The following TBC1D19 variants were observed in gnomAD, a reference collection of about 807,000 sequenced individuals.
TBC1D19 encodes the protein TBC1 domain family, member 19.
TBC1D19 carries 60 observed loss-of-function variants against 89.0 expected under a neutral mutation model. The observed-to-expected ratio is 0.67, with a 90% CI of 0.55 to 0.84. TBC1D19 has a LOEUF of 0.84. Among genes scored for constraint, TBC1D19 ranks in the 40% least tolerant of loss-of-function variants. The pLI, the probability that TBC1D19 is intolerant of heterozygous loss-of-function variation, is 0.00. For synonymous variants in TBC1D19, 189 were observed against 199.7 expected (o/e 0.95, Z 0.45); for missense variants, 500 against 610.8 (o/e 0.82, Z 1.91).
intron 1 of TBC1D19, among the ~76,000 whole-genome samples, chr4:26,593,700 A>C (rs1414967267): frequency 1.3e-5 from 2 of 152,264 alleles, no homozygotes; most frequent in Non-Finnish European, 2.9e-5. Context: ...GACACTTCCC[A>C]AAAGAAGACA....
the TBC1D19 span, among the ~76,000 whole-genome samples, chr4:26,832,925 T>C: frequency 6.8e-3 from 1,028 of 151,878 alleles, 8 homozygotes; most frequent in Non-Finnish European, 0.012. Flanking sequence ...GTCCAGGAGG[T>C]GGAGGTTGTA....
intron 5 of TBC1D19, among the ~76,000 whole-genome samples, chr4:26,637,912 T>A (rs1048258596): frequency 2.6e-5 from 4 of 152,202 alleles, no homozygotes; most frequent in Non-Finnish European, 4.4e-5. Flanking sequence ...TCCTTACCTT[T>A]TGGCTAATTA....
chr4:26,673,883 C>A lies in TBC1D19; in HGVS notation c.811C>A (p.Pro271Thr), dbSNP rs777031702. Residue 271 changes from proline (P) to threonine (T), a missense_variant, in exon 11 of 21, where the codon CCT (proline) becomes ACT (threonine). Physicochemically the swap from Pro to Thr is conservative, Grantham distance 38. This residue lies in a region of TBC1D19 where 220 missense variants were observed against 319.1 expected (regional missense o/e 0.69). Coordinates refer to ENST00000264866, the MANE Select transcript of TBC1D19 (RefSeq NM_018317.4). ...WALILNISSQ[P>T]EDVLYYEQLK... is the part of the protein sequence containing the mutation. ...TCTCATTTTGAATATTTCCAGCCAA[C>A]CTGAGGTAAGAAGAAAAAAAGGGTG... 3 of 1,583,074 alleles carry A rather than the reference C, an allele frequency of 1.9e-6. No individual in the cohort carries two copies. The highest frequency in any genetic ancestry group is 2.7e-5 in the African/African-American group (2 of 73,736).
chr4:26,740,791 T>G, intron 17 of TBC1D19: 1 of 985,420 alleles, frequency 1.0e-6, no homozygotes, highest in South Asian at 4.7e-5. Flanking sequence ...AAGAGGCAAC[T>G]GTATTATTGC....
chr4:26,712,602 G>A (rs553059221), intron 13 of TBC1D19, among the ~76,000 whole-genome samples: 5 of 152,132 alleles, frequency 3.3e-5, no homozygotes, highest in African/African-American at 1.2e-4. Context: ...CACATTTTGT[G>A]TGACTATACC....
At chr4:26,705,894 TTTTG>T (rs1029477529) in intron 13 of TBC1D19, among the ~76,000 whole-genome samples, 1 of 152,046 alleles carries the variant, frequency 6.6e-6, no homozygotes. Context: ...TTTTGTTTTG[TTTTG>T]TTTGTTTGTT....
chr4:26,673,545 C>A (rs1030533442), intron 10 of TBC1D19, among the ~76,000 whole-genome samples: 4 of 150,942 alleles, frequency 2.7e-5, no homozygotes, highest in Non-Finnish European at 5.9e-5. Flanking sequence ...TTAAGTCCCT[C>A]CTTATCCACA....
chr4:26,663,262 G>A lies in TBC1D19; in HGVS notation c.592-3071G>A, dbSNP rs535957468. On this transcript the variant is annotated intron_variant, in intron 8 of 20. Transcript: ENST00000264866. ...AGTATAAGAATGAAAACATTGATAAGTACCACATGCCTCACCAGTGAAACA... is the reference window on the plus strand; with the variant it reads ...AGTATAAGAATGAAAACATTGATAAATACCACATGCCTCACCAGTGAAACA... Among the ~76,000 whole-genome samples, 15 of 152,264 alleles carry A rather than the reference G, an allele frequency of 9.9e-5. No individual in the cohort carries two copies. In the East Asian group the frequency reaches 1.9e-3, roughly 20 times the overall value.
At chr4:26,786,397 GGCCGAGGCAGGTGGATCAC>G in the TBC1D19 span, among the ~76,000 whole-genome samples, 1 of 152,160 alleles carries the variant, frequency 6.6e-6, no homozygotes, top group Non-Finnish European at 1.5e-5. Context: ...CCCTTTGGAA[GGCCGAGGCAGGTGGATCAC>G]GAGGTCAGGA....
At chr4:26,641,493 A>C (rs1043206716) in intron 7 of TBC1D19, among the ~76,000 whole-genome samples, 4 of 152,244 alleles carry the variant, frequency 2.6e-5, no homozygotes, top group Non-Finnish European at 5.9e-5. Context: ...AAAAGCTGAA[A>C]ATTCTAAAAA....
chr4:26,654,166 G>C (rs1386573999), intron 7 of TBC1D19, among the ~76,000 whole-genome samples: 1 of 152,172 alleles, frequency 6.6e-6, no homozygotes, highest in Non-Finnish European at 1.5e-5. Context: ...ATTCTGGGTT[G>C]AAAATTCTTT....
At chr4:26,694,033 C>A (rs989645912) in intron 13 of TBC1D19, among the ~76,000 whole-genome samples, 1 of 152,080 alleles carries the variant, frequency 6.6e-6, no homozygotes, top group African/African-American at 2.4e-5. Context: ...CTCACTGGGG[C>A]TCGTCGAACA....
chr4:26,799,347 AAAAC>A, the TBC1D19 span, among the ~76,000 whole-genome samples: 5 of 152,034 alleles, frequency 3.3e-5, no homozygotes, highest in South Asian at 2.1e-4. Flanking sequence ...AAAGAGGAAA[AAAAC>A]AAACAAACAA....
At chr4:26,817,472 C>A in the TBC1D19 span, among the ~76,000 whole-genome samples, 1 of 152,130 alleles carries the variant, frequency 6.6e-6, no homozygotes, top group Non-Finnish European at 1.5e-5. Flanking sequence ...CTTGGAGGAG[C>A]TGTTCAACTT....
At chr4:26,721,761 C>G (rs1716990755) in intron 15 of TBC1D19, among the ~76,000 whole-genome samples, 1 of 152,136 alleles carries the variant, frequency 6.6e-6, no homozygotes, top group Non-Finnish European at 1.5e-5. Context: ...TTTCCCATCT[C>G]ATTTTTAATT....
At chr4:26,857,133 C>T in the TBC1D19 span, among the ~76,000 whole-genome samples, 2 of 152,198 alleles carry the variant, frequency 1.3e-5, no homozygotes, top group African/African-American at 4.8e-5. Flanking sequence ...CACTTCTATT[C>T]CTAGTGCTTT....
the TBC1D19 span, among the ~76,000 whole-genome samples, chr4:26,808,076 A>G: frequency 4.6e-3 from 708 of 152,354 alleles, 4 homozygotes; most frequent in South Asian, 0.019. Context: ...GCTGAAGGGT[A>G]CATTTTTGCA....
the TBC1D19 span, chr4:26,857,720 C>G: frequency 2.0e-5 from 3 of 152,164 alleles, no homozygotes; most frequent in African/African-American, 7.2e-5. Flanking sequence ...CGCCCTGCCG[C>G]GCCCGCCAGT....
intron 8 of TBC1D19, among the ~76,000 whole-genome samples, chr4:26,665,516 T>C (rs1488177388): frequency 1.3e-5 from 2 of 152,030 alleles, no homozygotes; most frequent in Non-Finnish European, 2.9e-5. Flanking sequence ...AACATTATTA[T>C]TTTTCTTAGA....
Sources: allele counts gnomAD v4.1 joint callset (sites outside exome capture counted in the v4.1 genomes callset), GRCh38; gene constraint gnomAD v4.1.1; regional missense constraint gnomAD v4.1.1; transcripts MANE v1.5; gene names NCBI Gene and HGNC (gene_info 2026-07-23, HGNC 2026-07-21).